Variants in PRICKLE2 observed in about 807,000 individuals in gnomAD.
The protein encoded by PRICKLE2 is prickle-like protein 2.
Under a neutral mutation model 81.4 loss-of-function variants are expected in PRICKLE2, and 21 were observed. The observed-to-expected ratio is 0.26, with a 90% CI of 0.18 to 0.37. PRICKLE2 has a LOEUF of 0.37. PRICKLE2 is among the 10% of genes least tolerant of loss of function. The pLI is 1.00. For missense variants in PRICKLE2, 940 were observed against 1,109.0 expected, an observed-to-expected ratio of 0.85 and a Z score of 2.16; for synonymous variants, 456 against 421.5, an observed-to-expected ratio of 1.08 and a Z score of -1.00.
rs1389909262 is a variant in PRICKLE2, at chr3:64,099,290, C to T, written c.2296G>A (p.Gly766Arg). 19 of 1,614,188 alleles carry T rather than the reference C, an allele frequency of 1.2e-5. No homozygotes were observed. Among genetic ancestry groups the T allele is most frequent in the Admixed American group, 6.7e-5 (4 of 60,034 alleles). ...ALQNAFGDRW[G>R]PYFAEYDWCS... ...CAATCATACTCGGCGAAGTAGGGTC[C>T]CCAGCGGTCCCCAAAGGCATTCTGC... Residue 766 changes from glycine to arginine, a missense_variant, in exon 8 of 8, where the codon GGA becomes AGA. Physicochemically the swap from Gly to Arg is moderately radical, Grantham distance 125 (BLOSUM62 -2). This residue lies in a region of PRICKLE2 where 670 missense variants were observed against 717.2 expected (regional missense o/e 0.93). Transcript: ENST00000638394. The surrounding 1 kb of genome is among the most constrained non-coding windows in gnomAD (Gnocchi z 4.3).
intron 7 of PRICKLE2, chr3:64,100,838 G>T (rs941443994): frequency 2.0e-5 from 3 of 152,148 alleles, no homozygotes; most frequent in South Asian, 2.1e-4. Context: ...TTTAAGAATG[G>T]GCCAGGTGGC....
At chr3:64,130,191 C>A (rs1559527223) in intron 7 of PRICKLE2, among the ~76,000 whole-genome samples, 1 of 152,186 alleles carries the variant, frequency 6.6e-6, no homozygotes, top group Non-Finnish European at 1.5e-5. Flanking sequence ...TCCACTTCAG[C>A]CCTTAGCTAT....
chr3:64,202,239 T>A (rs1255758344), intron 1 of PRICKLE2, among the ~76,000 whole-genome samples: 1 of 152,184 alleles, frequency 6.6e-6, no homozygotes, highest in Non-Finnish European at 1.5e-5. Flanking sequence ...GCATTTGCAT[T>A]CATAAAATAT....
At chr3:64,101,031 C>A (rs995933108) in intron 7 of PRICKLE2, 4 of 152,208 alleles carry the variant, frequency 2.6e-5, no homozygotes, top group Admixed American at 6.5e-5. Flanking sequence ...GTGTTACGAG[C>A]ACTTTGCAAA....
intron 2 of PRICKLE2, among the ~76,000 whole-genome samples, chr3:64,164,952 G>A (rs563553211): frequency 1.7e-4 from 26 of 152,248 alleles, no homozygotes; most frequent in African/African-American, 6.0e-4. Flanking sequence ...AAAAAAGCAC[G>A]CCCAGTCTCA....
intron 2 of PRICKLE2, among the ~76,000 whole-genome samples, chr3:64,178,186 G>A (rs907819346): frequency 3.3e-5 from 5 of 152,102 alleles, no homozygotes; most frequent in African/African-American, 9.7e-5. Context: ...CTTATCAGCC[G>A]ACCGTATATT....
chr3:64,223,375 C>A lies in PRICKLE2; in HGVS notation c.-41+1535G>T, dbSNP rs563955419. ...AATGGGTAGCTTTAAGTATCTTCAG[C>A]TCTTTCCAGCTCCAGAGTCTGAGCC... On this transcript the variant is annotated intron_variant, in intron 1 of 7. Coordinates refer to ENST00000638394, the MANE Select transcript of PRICKLE2 (RefSeq NM_198859.4). Among the ~76,000 whole-genome samples, 4 of 152,312 alleles carry A rather than the reference C, an allele frequency of 2.6e-5. No individual in the cohort carries two copies. In the East Asian group the frequency reaches 7.7e-4, roughly 29 times the overall value.
intron 7 of PRICKLE2, among the ~76,000 whole-genome samples, chr3:64,126,761 G>A (rs697265): frequency 0.57 from 87,214 of 151,736 alleles, 25,460 homozygotes; most frequent in East Asian, 0.85. Flanking sequence ...TATTTTTAGT[G>A]GAGACGGGGT....
chr3:64,186,347 G>A (rs1212720263), intron 2 of PRICKLE2, among the ~76,000 whole-genome samples: 1 of 152,194 alleles, frequency 6.6e-6, no homozygotes, highest in Non-Finnish European at 1.5e-5. Flanking sequence ...AAAGTTTGGG[G>A]AGGTGAATTA....
At chr3:64,132,832 C>T (rs764250301) in intron 7 of PRICKLE2, among the ~76,000 whole-genome samples, 12 of 152,246 alleles carry the variant, frequency 7.9e-5, no homozygotes, top group East Asian at 1.9e-4. Context: ...GGGCAGATGC[C>T]GTGTGGGAGG....
chr3:64,227,887 G>A (rs2079051143), upstream of PRICKLE2, among the ~76,000 whole-genome samples: 1 of 152,196 alleles, frequency 6.6e-6, no homozygotes, highest in Non-Finnish European at 1.5e-5. Context: ...AAAAGGTGGG[G>A]AGAAAGCGGT....
At chr3:64,226,502 C>T (rs1422301587), upstream of PRICKLE2, among the ~76,000 whole-genome samples, 1 of 152,186 alleles carries the variant, frequency 6.6e-6, no homozygotes, top group Non-Finnish European at 1.5e-5. Context: ...GTACTCTATG[C>T]CATGCACAGC....
chr3:64,178,689 T>A (rs750233461), intron 2 of PRICKLE2, among the ~76,000 whole-genome samples: 4 of 152,218 alleles, frequency 2.6e-5, no homozygotes, highest in Non-Finnish European at 4.4e-5. Flanking sequence ...TCATGGCAGT[T>A]ATGTGCTATA....
At chr3:64,227,081 T>C (rs926251683), upstream of PRICKLE2, among the ~76,000 whole-genome samples, 5 of 152,270 alleles carry the variant, frequency 3.3e-5, no homozygotes, top group African/African-American at 7.2e-5. Flanking sequence ...TTTTGTTGTA[T>C]GTAATTGTAT....
chr3:64,248,982 T>C (rs2079401348), intron 2 of PRICKLE2, among the ~76,000 whole-genome samples: 1 of 152,182 alleles, frequency 6.6e-6, no homozygotes, highest in Non-Finnish European at 1.5e-5. Flanking sequence ...TTTTCACTAG[T>C]ATTTACTACT....
In PRICKLE2 at chr3:64,215,596, T is replaced by A. The variant is rs78363318; in HGVS notation, c.-41+9314A>T. Among the ~76,000 whole-genome samples the A allele has an allele frequency of 8.0e-3, 1,215 of 152,354 alleles. 19 individuals are homozygous for A. Among genetic ancestry groups the A allele is most frequent in the African/African-American group, 0.028 (1,145 of 41,582 alleles). On this transcript the variant is annotated intron_variant, in intron 1 of 7. Coordinates refer to ENST00000638394, the MANE Select transcript of PRICKLE2 (RefSeq NM_198859.4). ...TATGACCAAAGCGTAAATTTTATTT[T>A]TCATATTTATTTTTTTACAATAACT...
chr3:64,255,136 T>C (rs2079507602), intron 2 of PRICKLE2, among the ~76,000 whole-genome samples: 1 of 152,070 alleles, frequency 6.6e-6, no homozygotes, highest in Non-Finnish European at 1.5e-5. Flanking sequence ...TAGTAGTGAG[T>C]AGGGTCACTT....
At chr3:64,177,904 T>C (rs1216859694) in intron 2 of PRICKLE2, among the ~76,000 whole-genome samples, 1 of 152,242 alleles carries the variant, frequency 6.6e-6, no homozygotes, top group Non-Finnish European at 1.5e-5. Flanking sequence ...CTTTCAATTA[T>C]GTTGCATATA....
chr3:64,227,622 G>C (rs186030413), upstream of PRICKLE2, among the ~76,000 whole-genome samples: 1 of 152,304 alleles, frequency 6.6e-6, no homozygotes, highest in Admixed American at 6.5e-5. Flanking sequence ...CCTGGGGTCA[G>C]ACTCTGGCTG....
Sources: gnomAD v4.1 joint callset for allele counts (sites outside exome capture counted in the v4.1 genomes callset) on GRCh38, gnomAD v4.1.1 for gene constraint, gnomAD v4.1.1 regional missense constraint, Gnocchi (gnomAD v3.1) non-coding constraint, MANE v1.5 for transcripts, NCBI Gene and HGNC (gene_info 2026-07-23, HGNC 2026-07-21) for gene names.